Variants in TLK1 observed in about 807,000 individuals in gnomAD.
The protein encoded by TLK1 is tousled like kinase 1.
Under a neutral mutation model 105.3 loss-of-function variants are expected in TLK1, and 24 were observed. The observed-to-expected ratio is 0.23, with a 90% CI of 0.17 to 0.32. TLK1 has a LOEUF of 0.32. Among genes scored for constraint, TLK1 ranks in the 10% least tolerant of loss-of-function variants. TLK1 has a pLI of 1.00. For synonymous variants in TLK1, 321 were observed against 310.4 expected (o/e 1.03, Z -0.36); for missense variants, 558 against 910.5 (o/e 0.61, Z 4.98).
At chr2:171,000,982 C>T (rs777956732) in intron 18 of TLK1, among the ~76,000 whole-genome samples, 3 of 152,194 alleles carry the variant, frequency 2.0e-5, no homozygotes, top group Admixed American at 6.5e-5. Flanking sequence ...TTGAATTTCT[C>T]CAAGATCCAT....
At chr2:171,198,058 T>C (rs376257870) in intron 1 of TLK1, among the ~76,000 whole-genome samples, 2 of 152,172 alleles carry the variant, frequency 1.3e-5, no homozygotes, top group East Asian at 3.8e-4. Context: ...AGATGGTCAA[T>C]AAATGTTTAC....
chr2:171,041,763 T>C (rs940868036), intron 11 of TLK1, among the ~76,000 whole-genome samples: 1 of 152,130 alleles, frequency 6.6e-6, no homozygotes. Flanking sequence ...TACTACATAA[T>C]AGTAACTTCA....
chr2:171,040,301 T>C (rs905204912), intron 11 of TLK1, among the ~76,000 whole-genome samples: 13 of 152,186 alleles, frequency 8.5e-5, no homozygotes, highest in African/African-American at 2.9e-4. Context: ...CCATAGAATG[T>C]ACAACATCAA....
chr2:171,012,517 C>T (rs1437998801), intron 13 of TLK1, among the ~76,000 whole-genome samples: 1 of 152,066 alleles, frequency 6.6e-6, no homozygotes, highest in East Asian at 1.9e-4. Flanking sequence ...GACAGAGTCT[C>T]GCTCTGGCTG....
At chr2:171,055,464 T>C (rs1687457359) in intron 6 of TLK1, among the ~76,000 whole-genome samples, 1 of 151,730 alleles carries the variant, frequency 6.6e-6, no homozygotes, top group African/African-American at 2.4e-5. Context: ...TTTCATACAG[T>C]TAAAAAAAAA....
At chr2:171,037,139 AG>A (rs1426557751) in intron 11 of TLK1, among the ~76,000 whole-genome samples, 14 of 152,116 alleles carry the variant, frequency 9.2e-5, no homozygotes, top group Non-Finnish European at 1.6e-4. Context: ...AAGAAGAAAT[AG>A]GGTATTAAGA....
intron 11 of TLK1, among the ~76,000 whole-genome samples, chr2:171,033,875 T>G (rs1444949512): frequency 2.0e-5 from 3 of 149,042 alleles, no homozygotes; most frequent in Non-Finnish European, 4.5e-5. Context: ...TGTTAAGGGT[T>G]TAGTATCCAG....
chr2:171,005,078 G>A (rs1042520325), intron 18 of TLK1, among the ~76,000 whole-genome samples: 19 of 152,330 alleles, frequency 1.2e-4, no homozygotes, highest in Admixed American at 4.6e-4. Context: ...TGGAAAACCT[G>A]AAGTCACATT....
intron 18 of TLK1, among the ~76,000 whole-genome samples, chr2:171,001,102 C>A (rs143235801): frequency 6.6e-6 from 1 of 152,194 alleles, no homozygotes; most frequent in Non-Finnish European, 1.5e-5. Flanking sequence ...CAACTGGACA[C>A]GGTTTTCTCT....
intron 11 of TLK1, among the ~76,000 whole-genome samples, chr2:171,036,992 T>A (rs569683371): frequency 6.6e-6 from 1 of 152,228 alleles, no homozygotes; most frequent in Admixed American, 6.5e-5. Context: ...GATTTTAAGA[T>A]AATTACTTTT....
chr2:171,087,745 A>G (rs1003853710), intron 2 of TLK1, among the ~76,000 whole-genome samples: 6 of 152,204 alleles, frequency 3.9e-5, no homozygotes, highest in Non-Finnish European at 8.8e-5. Flanking sequence ...TGAGAACAAA[A>G]AAGGATAAAA....
chr2:171,007,243 G>C (rs2105363713), intron 14 of TLK1, among the ~76,000 whole-genome samples, 180 bp from the exon 15 acceptor site: 1 of 152,054 alleles, frequency 6.6e-6, no homozygotes, highest in South Asian at 2.1e-4. Flanking sequence ...TCAGAAGACA[G>C]AAATTCCATG....
At chr2:171,140,724 C>G (rs1292810433) in intron 1 of TLK1, among the ~76,000 whole-genome samples, 1 of 152,120 alleles carries the variant, frequency 6.6e-6, no homozygotes, top group Non-Finnish European at 1.5e-5. Flanking sequence ...ATTATTTCTA[C>G]AGTTTTTCAC....
At chr2:171,122,839 G>C (rs1313286549) in intron 1 of TLK1, among the ~76,000 whole-genome samples, 2 of 151,978 alleles carry the variant, frequency 1.3e-5, no homozygotes, top group Non-Finnish European at 2.9e-5. Flanking sequence ...AGGAGTTCAA[G>C]ACCAGCCTGG....
intron 2 of TLK1, among the ~76,000 whole-genome samples, chr2:171,095,410 A>G (rs900622889): frequency 5.9e-5 from 9 of 152,194 alleles, no homozygotes; most frequent in Admixed American, 3.3e-4. Context: ...GACTCAAATT[A>G]CTACAATCAG....
intron 2 of TLK1, among the ~76,000 whole-genome samples, chr2:171,115,819 A>AAT (rs1690400656): frequency 6.6e-6 from 1 of 152,318 alleles, no homozygotes; most frequent in African/African-American, 2.4e-5. Flanking sequence ...TGCATCATAT[A>AAT]ATATTCTGCA....
intron 2 of TLK1, among the ~76,000 whole-genome samples, chr2:171,087,509 A>C (rs1689035914): frequency 1.3e-5 from 2 of 152,180 alleles, no homozygotes; most frequent in African/African-American, 4.8e-5. Flanking sequence ...GATACATGTA[A>C]CTGGGGTCAT....
chr2:171,206,771 T>A (rs1166188514), intron 1 of TLK1, among the ~76,000 whole-genome samples: 1 of 152,218 alleles, frequency 6.6e-6, no homozygotes. Flanking sequence ...AAAGAAGATC[T>A]ACAGATGGCA....
intron 1 of TLK1, among the ~76,000 whole-genome samples, chr2:171,213,458 C>T (rs573342166): frequency 1.1e-3 from 168 of 151,976 alleles, no homozygotes; most frequent in Non-Finnish European, 1.9e-3. Context: ...TCACCTCGAC[C>T]TCCCAAAGTG....
Sources: gnomAD v4.1 joint callset for allele counts (sites outside exome capture counted in the v4.1 genomes callset) on GRCh38, gnomAD v4.1.1 for gene constraint, MANE v1.5 for transcripts, NCBI Gene and HGNC (gene_info 2026-07-23, HGNC 2026-07-21) for gene names.